The following ZNF841 variants were observed in gnomAD, a reference collection of about 807,000 sequenced individuals.
ZNF841 encodes the protein zinc finger protein 841, also known as TCONS_00006091.
ZNF841 carries 11 observed loss-of-function variants against 13.0 expected under a neutral mutation model. That is an observed-to-expected ratio of 0.85 (90% CI 0.53 to 1.40). The LOEUF (loss-of-function observed/expected upper bound fraction) is 1.40, where lower values mean the gene tolerates loss of function less well. Among genes scored for constraint, ZNF841 ranks in the 40% most tolerant of loss-of-function variants. The pLI is 0.00. For missense variants in ZNF841, 1,068 were observed against 1,139.5 expected (o/e 0.94, Z 0.90); for synonymous variants, 369 against 381.6 (o/e 0.97, Z 0.38).
intron 3 of ZNF841, among the ~76,000 whole-genome samples, chr19:52,087,381 G>A (rs545840677): frequency 2.6e-5 from 4 of 152,192 alleles, no homozygotes; most frequent in Non-Finnish European, 5.9e-5. Flanking sequence ...TCCACTCTCA[G>A]GTAGATCCCA....
At chr19:52,059,431 G>A in the ZNF841 span, among the ~76,000 whole-genome samples, 1 of 133,034 alleles carries the variant, frequency 7.5e-6, no homozygotes, top group East Asian at 2.2e-4. Flanking sequence ...CAGATGCAAA[G>A]CATGTGTTCT....
intron 6 of ZNF841, among the ~76,000 whole-genome samples, chr19:52,070,687 C>T (rs896215314): frequency 1.3e-5 from 2 of 152,202 alleles, no homozygotes; most frequent in African/African-American, 2.4e-5. Context: ...CTTTGGCTCC[C>T]TGCAATGCTG....
chr19:52,059,844 T>A (rs1236827910), downstream of ZNF841, among the ~76,000 whole-genome samples: 1 of 152,220 alleles, frequency 6.6e-6, no homozygotes, highest in Non-Finnish European at 1.5e-5. Context: ...CCTCTACCTT[T>A]TCTGCCTGGC....
chr19:52,086,445 G>A (rs1301042632), intron 3 of ZNF841, among the ~76,000 whole-genome samples: 2 of 152,148 alleles, frequency 1.3e-5, no homozygotes, highest in African/African-American at 4.8e-5. Context: ...TGCCATGACT[G>A]GAATCTTCTT....
chr19:52,076,803 TA>T (rs2123287046), intron 5 of ZNF841, 154 bp downstream of exon 5: 2 of 852,614 alleles, frequency 2.3e-6, no homozygotes, highest in East Asian at 6.2e-5. Flanking sequence ...ATGGGACAGT[TA>T]AAGGCCAGAT....
intron 2 of ZNF841, among the ~76,000 whole-genome samples, chr19:52,089,829 C>G (rs1043803066): frequency 2.0e-5 from 3 of 152,156 alleles, no homozygotes; most frequent in Non-Finnish European, 2.9e-5. Context: ...CTTTCTGGAG[C>G]CTTCTATGGA....
At chr19:52,080,496 G>A (rs1020488367) in intron 4 of ZNF841, among the ~76,000 whole-genome samples, 1 of 152,186 alleles carries the variant, frequency 6.6e-6, no homozygotes, top group Admixed American at 6.5e-5. Context: ...ATGGAAAGGA[G>A]CAGAATATCT....
chr19:52,066,155 A>G lies in ZNF841; in HGVS notation c.1727T>C (p.Met576Thr), dbSNP rs1239195030. ...TAGGCATGAATAGTAAGTGAAGACC[A>G]TGCCACATTTATTACAATGGAGAGG... ...EKPLHCNKCG[M>T]VFTYYSCLAR... is the part of the protein sequence containing the mutation. Residue 576 changes from methionine (M) to threonine (T), a missense_variant, in exon 7 of 7, where the codon ATG becomes ACG. By Grantham distance (81) the Met-to-Thr change is moderately conservative. Coordinates refer to ENST00000594440, the MANE Select transcript of ZNF841 (RefSeq NM_001136499.2). 6.2e-7 allele frequency: 1 copy of G among 1,611,968 alleles called. No homozygotes were observed. Among genetic ancestry groups the G allele is most frequent in the East Asian group, 2.2e-5 (1 of 44,750 alleles).
Position 52,076,279 on chromosome 19 carries a change from A to G in ZNF841, c.143-107T>C, listed in dbSNP as rs1011423241. 2.2e-6 allele frequency: 3 copies of G among 1,362,216 alleles called. No individual in the cohort carries two copies. In the African/African-American group the frequency reaches 4.4e-5, roughly 20 times the overall value. The allele number at this position is 1,362,216 out of a possible 1,614,324, so 84.4% of individuals were successfully genotyped here. On this transcript the variant is annotated intron_variant, in intron 5 of 6. Coordinates refer to ENST00000594440, the MANE Select transcript of ZNF841 (RefSeq NM_001136499.2). ...AGTTGAATCTACAAAATATTTCACA[A>G]ACTCATCCATTGATTGCCTCCTTCT... is the stretch of plus-strand genomic sequence containing the variant.
chr19:52,090,711 A>AAGAAAGAAAG lies in ZNF841; in HGVS notation c.-143-1719_-143-1710dup, dbSNP rs1568549819. 6.4e-5 allele frequency among the ~76,000 whole-genome samples: 9 copies of AAGAAAGAAAG among 139,884 alleles called. No homozygotes were observed. In the Admixed American group the frequency reaches 6.7e-4, roughly 10 times the overall value. The allele number at this position is 139,884 out of a possible 152,430, so 91.8% of individuals were successfully genotyped here. A position where few individuals can be genotyped will look rare whatever the true frequency, so the allele number is the denominator to read the frequency against. On this transcript the variant is annotated intron_variant, in intron 2 of 6. Transcript: ENST00000594440. Reference sequence around the variant, plus strand: ...AGAAAGAAAGAAAGAAAGAAAGAGAAAGAAAGAAAGAAAAAAGAAAGGACT... The same window carrying AAGAAAGAAAG: ...AGAAAGAAAGAAAGAAAGAAAGAGAAAGAAAGAAAGAGAAAGAAAGAAAAAAGAAAGGACT...
At chr19:52,074,814 G>A (rs559482476) in intron 6 of ZNF841, among the ~76,000 whole-genome samples, 4 of 152,234 alleles carry the variant, frequency 2.6e-5, no homozygotes, top group South Asian at 2.1e-4. Flanking sequence ...CACCGTGCCC[G>A]GCATGGGAGA....
chr19:52,075,914 G>T, intron 6 of ZNF841, 130 bp downstream of exon 6: 1 of 1,283,764 alleles, frequency 7.8e-7, no homozygotes, highest in Non-Finnish European at 1.1e-6. Context: ...AAAGTGATAA[G>T]CAGGAAAGAA....
At chr19:52,069,933 A>G (rs1277014921) in intron 6 of ZNF841, among the ~76,000 whole-genome samples, 1 of 152,222 alleles carries the variant, frequency 6.6e-6, no homozygotes, top group Non-Finnish European at 1.5e-5. Context: ...CACGTTATTA[A>G]ACAAATTTGT....
At position 52,088,951 on chromosome 19, in the gene ZNF841, TGC is replaced by T. The variant is rs1184853585; in HGVS notation, c.-94_-93del. On this transcript the variant is annotated 5_prime_UTR_variant, in exon 3 of 7. Transcript: ENST00000594440. Reference sequence around the variant, plus strand: ...TTAATACGTACCATAGATTGAGGTGTGCGATTCAGTTGCCCGCCATTTCAAGA... The same window carrying T: ...TTAATACGTACCATAGATTGAGGTGTGATTCAGTTGCCCGCCATTTCAAGA... 2.6e-5 allele frequency: 4 copies of T among 152,180 alleles called. No individual in the cohort carries two copies. Among genetic ancestry groups the T allele is most frequent in the African/African-American group, 9.7e-5 (4 of 41,444 alleles). 9.4% of individuals were successfully genotyped at this position (152,180 alleles called of 1,614,324 possible). A position where few individuals can be genotyped will look rare whatever the true frequency, so the allele number is the denominator to read the frequency against.
At chr19:52,084,079 A>C (rs536736942) in intron 4 of ZNF841, among the ~76,000 whole-genome samples, 1 of 152,216 alleles carries the variant, frequency 6.6e-6, no homozygotes, top group African/African-American at 2.4e-5. Context: ...TTTGGCTCTT[A>C]CATCTGAGCA....
rs1431450975 is a variant in ZNF841, at chr19:52,064,706, T to C, written c.*401A>G. On this transcript the variant is annotated 3_prime_UTR_variant, in exon 7 of 7. Transcript: ENST00000594440. ...TAGAGTGCAGTGGCGCGATCTCGGCTCACTGCAACCTCCGCCTCCAGGGTT... is the reference window on the plus strand; with the variant it reads ...TAGAGTGCAGTGGCGCGATCTCGGCCCACTGCAACCTCCGCCTCCAGGGTT... 6.3e-6 allele frequency: 1 copy of C among 158,212 alleles called. No homozygotes were observed. The highest frequency in any genetic ancestry group is 2.0e-4 in the South Asian group (1 of 5,072). 9.8% of individuals were successfully genotyped at this position (158,212 alleles called of 1,614,324 possible). A position where few individuals can be genotyped will look rare whatever the true frequency, so the allele number is the denominator to read the frequency against.
At chr19:52,064,311 A>T (rs113646314), downstream of ZNF841, among the ~76,000 whole-genome samples, 21,316 of 132,052 alleles carry the variant, frequency 0.16, 1,467 homozygotes, top group South Asian at 0.31. Context: ...GCGCCACTGC[A>T]GTCCGCAGTC....
chr19:52,060,628 C>G (rs2087381671), downstream of ZNF841, among the ~76,000 whole-genome samples: 2 of 151,962 alleles, frequency 1.3e-5, no homozygotes, highest in African/African-American at 4.8e-5. Flanking sequence ...TGGGGCCACT[C>G]TCTGGTATCC....
In ZNF841 at chr19:52,065,918, C is replaced by T; in HGVS notation, c.1964G>A (p.Cys655Tyr). The change falls in exon 7 of 7, where the codon TGT becomes TAT. Residue 655 changes from cysteine to tyrosine, a missense_variant. By Grantham distance (194) the Cys-to-Tyr change is radical (BLOSUM62 -2). Transcript: ENST00000594440. ...AGTATAGGCTTTGCCACAATCATTACATTTATAAGGTTTCTCTCCGGTATG... is the reference window on the plus strand; with the variant it reads ...AGTATAGGCTTTGCCACAATCATTATATTTATAAGGTTTCTCTCCGGTATG... Reference protein sequence around the residue: ...KIHTGEKPYKCNDCGKAYTQR... With the variant: ...KIHTGEKPYKYNDCGKAYTQR... The T allele has an allele frequency of 1.9e-6, 3 of 1,614,212 alleles. No homozygotes were observed. The highest frequency in any genetic ancestry group is 1.7e-6 in the Non-Finnish European group (2 of 1,180,034).
Sources: allele counts gnomAD v4.1 joint callset (sites outside exome capture counted in the v4.1 genomes callset), GRCh38; gene constraint gnomAD v4.1.1; transcripts MANE v1.5; gene names NCBI Gene and HGNC (gene_info 2026-07-23, HGNC 2026-07-21).